The following NAALADL1 variants were observed in gnomAD, a reference collection of about 807,000 sequenced individuals.
The protein encoded by NAALADL1 is aminopeptidase NAALADL1.
A neutral mutation model predicts 82.8 loss-of-function variants in NAALADL1; 77 were observed. The observed-to-expected ratio is 0.93, with a 90% CI of 0.77 to 1.12. The LOEUF (loss-of-function observed/expected upper bound fraction) is 1.12. Among genes scored for constraint, NAALADL1 ranks in the 50% most tolerant of loss-of-function variants. The pLI is 0.00. For missense variants in NAALADL1, 956 were observed against 964.0 expected, an observed-to-expected ratio of 0.99 and a Z score of 0.11; for synonymous variants, 358 against 399.2, an observed-to-expected ratio of 0.90 and a Z score of 1.23.
At position 65,045,856 on chromosome 11, in the gene NAALADL1, T is replaced by C; in HGVS notation, c.2002A>G (p.Asn668Asp). The C allele has an allele frequency of 6.2e-7, 1 of 1,614,122 alleles. No individual in the cohort carries two copies. Among genetic ancestry groups the C allele is most frequent in the Non-Finnish European group, 8.5e-7 (1 of 1,180,002 alleles). ...CGTTCCTCTGGGAAGGCTCTAGGGT[T>C]CAGAAAGGTCCGTTCCAAGAGCATC... ...QLMLLERTFL[N>D]PRAFPEERYY... The change falls in exon 17 of 18, where the codon AAC (asparagine) becomes GAC (aspartate). Residue 668 changes from asparagine to aspartate, a missense_variant. By Grantham distance (23) the Asn-to-Asp change is conservative. Coordinates refer to ENST00000358658, the MANE Select transcript of NAALADL1 (RefSeq NM_005468.3).
chr11:65,049,868 C>T (rs1456359695), intron 8 of NAALADL1, among the ~76,000 whole-genome samples: 1 of 151,896 alleles, frequency 6.6e-6, no homozygotes, highest in African/African-American at 2.4e-5. Context: ...GAGACCCTGT[C>T]TCAAAAAATA....
chr11:65,054,546 AG>A lies in NAALADL1; in HGVS notation c.795del (p.Ser266LeufsTer68), dbSNP rs768629930. 9.2e-5 allele frequency: 149 copies of A among 1,613,910 alleles called. No homozygotes were observed. The highest frequency in any genetic ancestry group is 1.7e-4 in the Middle Eastern group (1 of 6,060). ...DPLTPYLPAVPSSFRVDLANV... is the reference protein window; with the variant it reads ...DPLTPYLPAVXSSFRVDLANV... ...TTGGCAAGGTCCACGCGGAAGGAAGAGGGGACGGCTGGAAGGTAGGGAGTCA... is the reference window on the plus strand; with the variant it reads ...TTGGCAAGGTCCACGCGGAAGGAAGAGGGACGGCTGGAAGGTAGGGAGTCA... On this transcript the variant is annotated frameshift_variant, in exon 5 of 18. Coordinates refer to ENST00000358658, the MANE Select transcript of NAALADL1 (RefSeq NM_005468.3). LOFTEE classifies it high-confidence loss of function. This position sits in a 1 kb window ranked among gnomAD's most constrained non-coding sequence, Gnocchi z 4.3.
Position 65,044,861 on chromosome 11 carries a change from G to C in NAALADL1, c.*410C>G. On this transcript the variant is annotated 3_prime_UTR_variant, in exon 18 of 18. Coordinates refer to ENST00000358658, the MANE Select transcript of NAALADL1 (RefSeq NM_005468.3). The surrounding 1 kb of genome is among the most constrained non-coding windows in gnomAD (Gnocchi z 4.0). ...CTAGATGTGATTTATTTGAGGGGCT[G>C]TTGTAGGGAGTTAGGATACACAGCA... is the stretch of plus-strand genomic sequence containing the variant. The C allele has an allele frequency of 1.0e-6, 1 of 989,462 alleles. No individual in the cohort carries two copies. Among genetic ancestry groups the C allele is most frequent in the Non-Finnish European group, 1.4e-6 (1 of 690,640 alleles). 61.3% of individuals were successfully genotyped at this position (989,462 alleles called of 1,614,324 possible).
intron 16 of NAALADL1, 42 bp downstream of exon 16, chr11:65,045,985 T>C (rs543781888): frequency 6.2e-7 from 1 of 1,611,802 alleles, no homozygotes; most frequent in East Asian, 2.2e-5. Context: ...TATCCTGCCC[T>C]GGGTGCTGCC....
At chr11:65,052,227 T>G (rs980286728) in intron 8 of NAALADL1, among the ~76,000 whole-genome samples, 1 of 151,676 alleles carries the variant, frequency 6.6e-6, no homozygotes, top group African/African-American at 2.4e-5. Flanking sequence ...CCCACTGCCC[T>G]CCATCCTGGT....
rs745816360 is a variant in NAALADL1 at position 65,045,287 on chromosome 11, G to A, written c.2207C>T (p.Pro736Leu). 1 of 1,607,000 alleles carries A rather than the reference G, an allele frequency of 6.2e-7. No homozygotes were observed. Among genetic ancestry groups the A allele is most frequent in the Non-Finnish European group, 8.5e-7 (1 of 1,175,492 alleles). ...GGGCTGGGGTCAGAGGTCAGCCACA[G>A]GCCTCAGGGTGGCTGCCGCACCCTC... ...ALEGAAATLRPVADL is the reference protein window; with the variant it reads ...ALEGAAATLRLVADL The change falls in exon 18 of 18, where the codon CCT becomes CTT. Residue 736 changes from proline (P) to leucine (L), a missense_variant. Pro to Leu is a moderately conservative substitution (Grantham distance 98). Transcript: ENST00000358658.
In NAALADL1 at chr11:65,047,998, A is replaced by C. The variant is rs1356596281; in HGVS notation, c.1399T>G (p.Phe467Val). The change falls in exon 11 of 18, where the codon TTC (phenylalanine) becomes GTC (valine). Residue 467 changes from phenylalanine (F) to valine (V), a missense_variant. Physicochemically the swap from Phe to Val is conservative, Grantham distance 50 (BLOSUM62 -1). Transcript: ENST00000358658. ...QGTPPVQSVV[F>V]SATKEIRSPG... is the part of the protein sequence containing the mutation. ...CCTTCCACCTCTTTGGTTGCAGAGA[A>C]GACGACGCTCTGGACAGGGGGCGTC... The C allele has an allele frequency of 1.2e-6, 2 of 1,612,398 alleles. No homozygotes were observed. The highest frequency in any genetic ancestry group is 1.7e-6 in the Non-Finnish European group (2 of 1,179,264).
rs200163926 is a variant in NAALADL1, at chr11:65,046,446, C to T, written c.1680G>A (p.Pro560=). ...TFDYVDKFLD[P]GFSSHQAVAR... Reference sequence around the variant, plus strand: ...GATGCCCCTTGTCTCCCTCCTCACCCGGGTCCAAAAACTTGTCCACATAGT... The same window carrying T: ...GATGCCCCTTGTCTCCCTCCTCACCTGGGTCCAAAAACTTGTCCACATAGT... The change falls in exon 14 of 18, where the codon CCG becomes CCA. Residue 560 remains proline, a splice_region_variant and synonymous_variant. Coordinates refer to ENST00000358658, the MANE Select transcript of NAALADL1 (RefSeq NM_005468.3). 9.7e-5 allele frequency: 156 copies of T among 1,614,162 alleles called. 1 individual carries two copies. The African/African-American group carries it at 1.8e-3, about 19-fold the overall frequency.
At chr11:65,059,154 G>A (rs148778039), upstream of NAALADL1, among the ~76,000 whole-genome samples, 4 of 151,992 alleles carry the variant, frequency 2.6e-5, no homozygotes, top group Middle Eastern at 3.4e-3. Flanking sequence ...CTGGGATTAC[G>A]GGTGTGCACC....
chr11:65,053,281 G>T lies in NAALADL1; in HGVS notation c.1135C>A (p.Pro379Thr). ...RDSWVHGAVD[P>T]SSGTAVLLEL... ...AGGAGGACGGCGGTGCCACTGCTGGGGTCCACAGCCCCGTGCACCCAGCTG... is the reference window on the plus strand; with the variant it reads ...AGGAGGACGGCGGTGCCACTGCTGGTGTCCACAGCCCCGTGCACCCAGCTG... The change falls in exon 8 of 18, where the codon CCC becomes ACC. Residue 379 changes from proline (P) to threonine (T), a missense_variant. Pro to Thr is a conservative substitution (Grantham distance 38, BLOSUM62 -1). Coordinates refer to ENST00000358658, the MANE Select transcript of NAALADL1 (RefSeq NM_005468.3). The surrounding 1 kb of genome is among the most constrained non-coding windows in gnomAD (Gnocchi z 4.3). 2 of 1,557,062 alleles carry T rather than the reference G, an allele frequency of 1.3e-6. No individual in the cohort carries two copies. The highest frequency in any genetic ancestry group is 1.7e-6 in the Non-Finnish European group (2 of 1,150,686).
chr11:65,049,398 T>A (rs538863348), intron 8 of NAALADL1, among the ~76,000 whole-genome samples: 33 of 152,286 alleles, frequency 2.2e-4, no homozygotes, highest in Non-Finnish European at 3.7e-4. Flanking sequence ...CAAAAATGTA[T>A]AATCTAAATC....
chr11:65,045,751 C>G lies in NAALADL1; in HGVS notation c.2036+71G>C, dbSNP rs1005313618. ...TCTAAAGGGCAGAGAAGCTGACCACCTCGTCTCAGGTGGGGAGCCATTGTC... is the reference window on the plus strand; with the variant it reads ...TCTAAAGGGCAGAGAAGCTGACCACGTCGTCTCAGGTGGGGAGCCATTGTC... On this transcript the variant is annotated intron_variant, in intron 17 of 17. Coordinates refer to ENST00000358658, the MANE Select transcript of NAALADL1 (RefSeq NM_005468.3). 4.2e-6 allele frequency: 6 copies of G among 1,445,540 alleles called. No individual in the cohort carries two copies. In the African/African-American group the frequency reaches 8.4e-5, roughly 20 times the overall value. The allele number at this position is 1,445,540 out of a possible 1,614,324, so 89.5% of individuals were successfully genotyped here.
rs1187240240 is a variant in NAALADL1 at position 65,057,880 on chromosome 11, G to A, written c.475C>T (p.Pro159Ser). ...AGGGGGGGTTCTGGGCCCACCTGTG[G>A]GGTTCCAGAAGGAGCATAGGCAGCA... Reference protein sequence around the residue: ...PYAAYAPSGTPQGLLVYANRG... With the variant: ...PYAAYAPSGTSQGLLVYANRG... The change falls in exon 3 of 18, where the codon CCA becomes TCA. Residue 159 changes from proline (P) to serine (S), a missense_variant. By Grantham distance (74) the Pro-to-Ser change is moderately conservative. Transcript: ENST00000358658. The A allele has an allele frequency of 1.2e-6, 2 of 1,613,734 alleles. No individual in the cohort carries two copies. The highest frequency in any genetic ancestry group is 2.7e-5 in the African/African-American group (2 of 74,894).
chr11:65,059,977 A>AG (rs780946911), upstream of NAALADL1, among the ~76,000 whole-genome samples: 6 of 152,178 alleles, frequency 3.9e-5, no homozygotes, highest in African/African-American at 7.2e-5. Flanking sequence ...GAGAGCCAGG[A>AG]GGGGCTGGGG....
intron 13 of NAALADL1, 25 bp downstream of exon 13, chr11:65,047,450 C>A: frequency 6.5e-7 from 1 of 1,547,702 alleles, no homozygotes; most frequent in Non-Finnish European, 8.7e-7. Context: ...GGTACCGAGG[C>A]AGGGACGGAG....
At chr11:65,047,004 C>A (rs964606375) in intron 13 of NAALADL1, among the ~76,000 whole-genome samples, 22 of 129,230 alleles carry the variant, frequency 1.7e-4, no homozygotes, top group Admixed American at 4.4e-4. Context: ...ATTTTAAGAT[C>A]TTTGGAAACA....
In NAALADL1 at chr11:65,047,457, G is replaced by A. The variant is rs562079555; in HGVS notation, c.1599+18C>T. On this transcript the variant is annotated intron_variant, in intron 13 of 17. Transcript: ENST00000358658. ...TGCAGCAAGGTACCGAGGCAGGGAC[G>A]GAGGGGCGCCTGCTCACCCGGTCAT... 2 of 1,552,162 alleles carry A rather than the reference G, an allele frequency of 1.3e-6. No individual in the cohort carries two copies. The highest frequency in any genetic ancestry group is 1.4e-5 in the African/African-American group (1 of 73,258).
At chr11:65,060,015 T>A (rs1053372700), upstream of NAALADL1, among the ~76,000 whole-genome samples, 2 of 152,124 alleles carry the variant, frequency 1.3e-5, no homozygotes, top group Non-Finnish European at 2.9e-5. Flanking sequence ...AGCTGGGACT[T>A]CTCCCACCCT....
chr11:65,058,161 G>T lies in NAALADL1; in HGVS notation c.275C>A (p.Ser92Ter). The T allele has an allele frequency of 6.2e-7, 1 of 1,614,002 alleles. No individual in the cohort carries two copies. Among genetic ancestry groups the T allele is most frequent in the Non-Finnish European group, 8.5e-7 (1 of 1,179,968 alleles). ...GGAGGCCTCGGCCGAGTCCAGGCCTGACTCTGGGTCCTTCCAGCGCTGCAG... is the reference window on the plus strand; with the variant it reads ...GGAGGCCTCGGCCGAGTCCAGGCCTTACTCTGGGTCCTTCCAGCGCTGCAG... ...LLLQRWKDPE[S>*]GLDSAEASTY... The change falls in exon 2 of 18, where the codon TCA becomes TAA. Residue 92 changes from serine to a stop codon, truncating the protein, a stop_gained. Transcript: ENST00000358658. LOFTEE classifies it high-confidence loss of function.
Sources: allele counts gnomAD v4.1 joint callset (sites outside exome capture counted in the v4.1 genomes callset), GRCh38; gene constraint gnomAD v4.1.1; non-coding constraint Gnocchi (gnomAD v3.1); transcripts MANE v1.5; gene names NCBI Gene and HGNC (gene_info 2026-07-23, HGNC 2026-07-21).